FECH: variants seen among roughly 807,000 people sequenced by gnomAD.
FECH encodes ferrochelatase, mitochondrial.
In FECH, 40 loss-of-function variants were observed where a neutral mutation model predicts 56.9. The ratio of observed to expected loss-of-function variants is 0.70; its 90% CI spans 0.55 to 0.92. The LOEUF (loss-of-function observed/expected upper bound fraction) is 0.92, where lower values mean the gene tolerates loss of function less well. FECH is among the 40% of genes least tolerant of loss of function. The pLI is 0.00. For synonymous variants in FECH, 175 were observed against 198.6 expected (o/e 0.88, Z 1.00); for missense variants, 431 against 529.1 (o/e 0.81, Z 1.82).
At chr18:57,575,369 T>A (rs138569574) in intron 2 of FECH, among the ~76,000 whole-genome samples, 10 of 152,328 alleles carry the variant, frequency 6.6e-5, no homozygotes, top group African/African-American at 2.4e-4. Context: ...AAACCAATGC[T>A]GCTGAGACAG....
chr18:57,572,813 C>A (rs942557074), intron 3 of FECH, among the ~76,000 whole-genome samples: 4 of 151,498 alleles, frequency 2.6e-5, no homozygotes, highest in African/African-American at 7.3e-5. Context: ...TAATAGAAAT[C>A]TATTTTGAAA....
At chr18:57,575,278 C>A (rs1295314988) in intron 2 of FECH, among the ~76,000 whole-genome samples, 3 of 152,168 alleles carry the variant, frequency 2.0e-5, no homozygotes, top group Non-Finnish European at 1.5e-5. Flanking sequence ...TGAAGTTTAT[C>A]TAAACACCGT....
chr18:57,569,657 A>C (rs936484694), intron 4 of FECH, among the ~76,000 whole-genome samples: 2 of 152,012 alleles, frequency 1.3e-5, no homozygotes, highest in Non-Finnish European at 2.9e-5. Context: ...TCCTGGGCTC[A>C]AGCAATCCTT....
chr18:57,546,959 C>G lies in FECH; in HGVS notation c.*3753G>C, dbSNP rs1244590146. On this transcript the variant is annotated 3_prime_UTR_variant, in exon 11 of 11. Coordinates refer to ENST00000262093, the MANE Select transcript of FECH (RefSeq NM_000140.5). The stretch of plus-strand genomic sequence containing the variant: ...TGGGCAACAGAGCGAGACTCCATCT[C>G]AAAAAAAAAAAAAAAAAATTTAAGG... Among the ~76,000 whole-genome samples the G allele has an allele frequency of 8.9e-6, 1 of 112,974 alleles. No individual in the cohort carries two copies. 74.1% of individuals were successfully genotyped at this position (112,974 alleles called of 152,430 possible). A position where few individuals can be genotyped will look rare whatever the true frequency, so the allele number is the denominator to read the frequency against.
At chr18:57,585,573 A>G (rs183489931) in intron 1 of FECH, among the ~76,000 whole-genome samples, 2 of 152,266 alleles carry the variant, frequency 1.3e-5, no homozygotes, top group East Asian at 3.9e-4. Context: ...CTCATTGTAC[A>G]CTGGGTCCTT....
At chr18:57,581,316 C>T (rs1224869287) in intron 1 of FECH, among the ~76,000 whole-genome samples, 1 of 152,154 alleles carries the variant, frequency 6.6e-6, no homozygotes, top group Non-Finnish European at 1.5e-5. Context: ...AAGAACCCAC[C>T]TGAATTGAGG....
chr18:57,571,857 A>C (rs1306905244), intron 3 of FECH, among the ~76,000 whole-genome samples: 3 of 152,246 alleles, frequency 2.0e-5, no homozygotes, highest in Non-Finnish European at 4.4e-5. Flanking sequence ...ACACATTTTG[A>C]TCCCACACCT....
chr18:57,561,950 C>T (rs1450511679), intron 6 of FECH, among the ~76,000 whole-genome samples: 1 of 152,196 alleles, frequency 6.6e-6, no homozygotes, highest in Non-Finnish European at 1.5e-5. Context: ...GGATTTCAAC[C>T]CAAGTGTTAA....
At chr18:57,558,048 A>C (rs2050890703) in intron 7 of FECH, among the ~76,000 whole-genome samples, 1 of 152,244 alleles carries the variant, frequency 6.6e-6, no homozygotes, top group South Asian at 2.1e-4. Context: ...AAATCTGCAG[A>C]GGCTTGGCCC....
chr18:57,581,777 A>C (rs1411556396), intron 1 of FECH, among the ~76,000 whole-genome samples: 2 of 152,204 alleles, frequency 1.3e-5, no homozygotes, highest in Non-Finnish European at 2.9e-5. Flanking sequence ...TTCAATTGTC[A>C]GTTTCTAGAG....
intron 6 of FECH, 38 bp from the exon 7 acceptor site, chr18:57,559,281 G>A (rs771397783): frequency 1.2e-5 from 16 of 1,374,822 alleles, no homozygotes; most frequent in Non-Finnish European, 1.7e-5. Flanking sequence ...AAGAGGAAGG[G>A]AAGAAAGAAA....
intron 1 of FECH, 111 bp from the exon 2 acceptor site, chr18:57,580,310 G>T: frequency 7.2e-7 from 1 of 1,385,638 alleles, no homozygotes; most frequent in Non-Finnish European, 1.0e-6. Context: ...TCCCATGGCA[G>T]AAATGATTTT....
rs1276800062 is a variant in FECH at position 57,585,089 on chromosome 18, G to A, written c.67+1465C>T. 4.6e-5 allele frequency among the ~76,000 whole-genome samples: 7 copies of A among 151,866 alleles called. No homozygotes were observed. The South Asian group carries it at 1.5e-3, about 32-fold the overall frequency. The stretch of plus-strand genomic sequence containing the variant: ...AGAAAAAAAATAATTCATATAGATA[G>A]CTAAACAGACAGATAATATATGGCC... On this transcript the variant is annotated intron_variant, in intron 1 of 10. Transcript: ENST00000262093.
Position 57,586,611 on chromosome 18 carries a change from G to A in FECH, c.10C>T (p.Leu4Phe), listed in dbSNP as rs917599423. 2.2e-5 allele frequency: 34 copies of A among 1,521,798 alleles called. No individual in the cohort carries two copies. Among genetic ancestry groups the A allele is most frequent in the Non-Finnish European group, 2.9e-5 (33 of 1,141,388 alleles). 94.3% of individuals were successfully genotyped at this position (1,521,798 alleles called of 1,614,324 possible). A position where few individuals can be genotyped will look rare whatever the true frequency, so the allele number is the denominator to read the frequency against. ...AGGGCCGCAGCCATGTTTGCGCCGAGTGAACGCATTGCCTGGGCAGCCTCG... is the reference window on the plus strand; with the variant it reads ...AGGGCCGCAGCCATGTTTGCGCCGAATGAACGCATTGCCTGGGCAGCCTCG... MRS[L>F]GANMAAALRA... The change falls in exon 1 of 11, where the codon CTC becomes TTC. Residue 4 changes from leucine (L) to phenylalanine (F), a missense_variant. Leu to Phe is a conservative substitution (Grantham distance 22). Coordinates refer to ENST00000262093, the MANE Select transcript of FECH (RefSeq NM_000140.5).
intron 6 of FECH, among the ~76,000 whole-genome samples, chr18:57,561,369 C>T (rs2050941239): frequency 6.6e-6 from 1 of 152,148 alleles, no homozygotes; most frequent in Admixed American, 6.5e-5. Flanking sequence ...TTTCTTTTCT[C>T]GGCTTGCAAA....
In FECH at chr18:57,546,254, G is replaced by A. The variant is rs113000324; in HGVS notation, c.*4458C>T. On this transcript the variant is annotated 3_prime_UTR_variant, in exon 11 of 11. Transcript: ENST00000262093. ...TTGGCTGATGCACCTGTGCCTTCAC[G>A]TGCCCCCGTGCGCACACATAGACGT... 5.9e-3 allele frequency among the ~76,000 whole-genome samples: 894 copies of A among 152,294 alleles called. 8 individuals carry two copies. The highest frequency in any genetic ancestry group is 0.02 in the African/African-American group (832 of 41,542).
intron 1 of FECH, among the ~76,000 whole-genome samples, chr18:57,581,731 T>C (rs2051280990): frequency 6.6e-6 from 1 of 152,252 alleles, no homozygotes; most frequent in African/African-American, 2.4e-5. Flanking sequence ...TGAAGCGTTC[T>C]GCAGTGTCCA....
chr18:57,555,264 TGAA>T (rs1212523859), intron 7 of FECH, among the ~76,000 whole-genome samples: 3 of 152,202 alleles, frequency 2.0e-5, no homozygotes, highest in African/African-American at 7.2e-5. Context: ...ATCCAATAGA[TGAA>T]GAAGACACAG....
rs57279341 is a variant in FECH at position 57,572,513 on chromosome 18, TAAAAA to T, written c.314+728_314+732del. Reference sequence around the variant, plus strand: ...CCAACATGGCACATGTATACGTATGTAAAAAAAAAAAAAAAAAAAAAAAAGGAAAG... The same window carrying T: ...CCAACATGGCACATGTATACGTATGTAAAAAAAAAAAAAAAAAAAGGAAAG... On this transcript the variant is annotated intron_variant, in intron 3 of 10. Transcript: ENST00000262093. Among the ~76,000 whole-genome samples, 126 of 55,998 alleles carry T rather than the reference TAAAAA, an allele frequency of 2.3e-3. 1 individual carries two copies. The highest frequency in any genetic ancestry group is 8.4e-3 in the African/African-American group (117 of 13,936). 36.7% of individuals were successfully genotyped at this position (55,998 alleles called of 152,430 possible). A position where few individuals can be genotyped will look rare whatever the true frequency, so the allele number is the denominator to read the frequency against.
Sources: allele counts gnomAD v4.1 joint callset (sites outside exome capture counted in the v4.1 genomes callset), GRCh38; gene constraint gnomAD v4.1.1; transcripts MANE v1.5; gene names NCBI Gene and HGNC (gene_info 2026-07-23, HGNC 2026-07-21).